The following SPTBN1 variants were observed in gnomAD, a reference collection of about 807,000 sequenced individuals.
SPTBN1 encodes spectrin beta chain, non-erythrocytic 1.
A neutral mutation model predicts 266.4 loss-of-function variants in SPTBN1; 32 were observed. The observed-to-expected ratio is 0.12, with a 90% CI of 0.09 to 0.16. The LOEUF (loss-of-function observed/expected upper bound fraction) is 0.16, where lower values mean the gene tolerates loss of function less well. Among genes scored for constraint, SPTBN1 ranks in the 10% least tolerant of loss-of-function variants. The probability of loss-of-function intolerance (pLI) is 1.00; values close to 1 mark genes in which losing one functional copy is unlikely to be tolerated. For synonymous variants in SPTBN1, 1,336 were observed against 1,162.2 expected, an observed-to-expected ratio of 1.15 and a Z score of -3.04; for missense variants, 2,296 against 3,067.1, an observed-to-expected ratio of 0.75 and a Z score of 5.94.
At chr2:54,507,132 T>C (rs1009273488) in intron 1 of SPTBN1, among the ~76,000 whole-genome samples, 1 of 152,108 alleles carries the variant, frequency 6.6e-6, no homozygotes, top group Non-Finnish European at 1.5e-5. Flanking sequence ...ACAAAGTACA[T>C]TGATCGGTTA....
rs568391436 is a variant in SPTBN1, at chr2:54,558,211, G to A, written c.148+31645G>A. On this transcript the variant is annotated intron_variant, in intron 2 of 35. Transcript: ENST00000356805. The surrounding 1 kb of genome is among the most constrained non-coding windows in gnomAD (Gnocchi z 4.6). The stretch of plus-strand genomic sequence containing the variant: ...GCTGCCGGGCGGCTGGGGCGACCGC[G>A]GACCGTGCGGGACCGGTAGGGGGTC... 83 of 985,364 alleles carry A rather than the reference G, an allele frequency of 8.4e-5. No homozygotes were observed. In the Middle Eastern group the frequency reaches 2.1e-3, roughly 25 times the overall value. 61.0% of individuals were successfully genotyped at this position (985,364 alleles called of 1,614,324 possible). A position where few individuals can be genotyped will look rare whatever the true frequency, so the allele number is the denominator to read the frequency against.
chr2:54,577,400 TCA>T (rs1431266667), intron 2 of SPTBN1, among the ~76,000 whole-genome samples: 4 of 152,300 alleles, frequency 2.6e-5, no homozygotes, highest in African/African-American at 9.6e-5. Flanking sequence ...TGCTTTGAGC[TCA>T]CAAAATCAGT....
chr2:54,648,216 A>G (rs1316337117), intron 24 of SPTBN1, among the ~76,000 whole-genome samples: 1 of 152,178 alleles, frequency 6.6e-6, no homozygotes, highest in Non-Finnish European at 1.5e-5. Flanking sequence ...GTTAGGGGAG[A>G]TGAGGTCAGT....
intron 2 of SPTBN1, among the ~76,000 whole-genome samples, chr2:54,556,263 G>A (rs1181191643): frequency 6.6e-6 from 1 of 152,154 alleles, no homozygotes; most frequent in Admixed American, 6.5e-5. Context: ...TCCCCGTGGG[G>A]TTATTAAACC....
chr2:54,551,935 G>C (rs946571928), intron 2 of SPTBN1, among the ~76,000 whole-genome samples: 1 of 152,044 alleles, frequency 6.6e-6, no homozygotes, highest in African/African-American at 2.4e-5. Context: ...TTGTTTCATA[G>C]TAAGTATTGT....
Position 54,649,281 on chromosome 2 carries a change from GC to G in SPTBN1, c.5202+94del. The G allele has an allele frequency of 7.4e-7, 1 of 1,358,426 alleles. No homozygotes were observed. Among genetic ancestry groups the G allele is most frequent in the Non-Finnish European group, 1.0e-6 (1 of 997,896 alleles). The allele number at this position is 1,358,426 out of a possible 1,614,324, so 84.1% of individuals were successfully genotyped here. A position where few individuals can be genotyped will look rare whatever the true frequency, so the allele number is the denominator to read the frequency against. ...TTCCTTGTCTGTGAGCAGATAAAATGCCCTGGACTCCAATCAGAGGTCTTGG... is the reference window on the plus strand; with the variant it reads ...TTCCTTGTCTGTGAGCAGATAAAATGCCTGGACTCCAATCAGAGGTCTTGG... On this transcript the variant is annotated intron_variant, in intron 25 of 35. Transcript: ENST00000356805. The surrounding 1 kb of genome is among the most constrained non-coding windows in gnomAD (Gnocchi z 6.7).
At chr2:54,465,397 C>T (rs1475838302) in intron 1 of SPTBN1, among the ~76,000 whole-genome samples, 2 of 152,006 alleles carry the variant, frequency 1.3e-5, no homozygotes, top group Non-Finnish European at 2.9e-5. Context: ...ATTAGACCAT[C>T]AGGTTTCAGT....
At chr2:54,538,011 G>A (rs1295773048) in intron 2 of SPTBN1, among the ~76,000 whole-genome samples, 1 of 152,194 alleles carries the variant, frequency 6.6e-6, no homozygotes, top group Admixed American at 6.5e-5. Context: ...CTGGGAAGAT[G>A]ACAGTAAGTA....
intron 28 of SPTBN1, 21 bp from the exon 29 acceptor site, chr2:54,655,893 G>C: frequency 6.3e-7 from 1 of 1,596,470 alleles, no homozygotes; most frequent in Non-Finnish European, 8.6e-7. Flanking sequence ...AGATGTCCCG[G>C]GGATCCTCTT....
intron 2 of SPTBN1, among the ~76,000 whole-genome samples, chr2:54,537,514 T>G (rs953611555): frequency 6.6e-6 from 1 of 152,174 alleles, no homozygotes; most frequent in Non-Finnish European, 1.5e-5. Flanking sequence ...TGACTGGCAG[T>G]TGGAGGATAC....
chr2:54,623,555 T>TACATGCCCCGGGAGGGGAAGCTCA lies in SPTBN1; in HGVS notation c.1142_1165dup (p.Leu388_Ile389insAsnMetProArgGluGlyLysLeu). 6.2e-7 allele frequency: 1 copy of TACATGCCCCGGGAGGGGAAGCTCA among 1,614,180 alleles called. No individual in the cohort carries two copies. Among genetic ancestry groups the TACATGCCCCGGGAGGGGAAGCTCA allele is most frequent in the Non-Finnish European group, 8.5e-7 (1 of 1,180,012 alleles). ...GATGAGGGCCAACAACCAGAAGGTC[T>TACATGCCCCGGGAGGGGAAGCTCA]ACATGCCCCGGGAGGGGAAGCTCAT... On this transcript the variant is annotated inframe_insertion, in exon 10 of 36. Coordinates refer to ENST00000356805, the MANE Select transcript of SPTBN1 (RefSeq NM_003128.3).
At chr2:54,597,459 T>A (rs1676165526) in intron 2 of SPTBN1, among the ~76,000 whole-genome samples, 1 of 152,214 alleles carries the variant, frequency 6.6e-6, no homozygotes, top group Non-Finnish European at 1.5e-5. Flanking sequence ...TCCTTTTTGA[T>A]CCTGTGTTTC....
chr2:54,638,299 C>T (rs1324525616), intron 18 of SPTBN1, among the ~76,000 whole-genome samples: 1 of 152,174 alleles, frequency 6.6e-6, no homozygotes, highest in African/African-American at 2.4e-5. Flanking sequence ...TGCTTTCACT[C>T]TTTAAAGCAA....
At chr2:54,479,412 C>G (rs1667996067) in intron 1 of SPTBN1, among the ~76,000 whole-genome samples, 1 of 152,186 alleles carries the variant, frequency 6.6e-6, no homozygotes, top group Non-Finnish European at 1.5e-5. Context: ...TGGTTAGGTT[C>G]TGTTTCTTGG....
chr2:54,661,919 A>G (rs762572333), intron 32 of SPTBN1: 5 of 985,306 alleles, frequency 5.1e-6, no homozygotes, highest in Admixed American at 6.1e-5. Context: ...GTAGCTTGTC[A>G]TAACAAAATT....
At chr2:54,613,908 A>C (rs1486137008) in intron 4 of SPTBN1, among the ~76,000 whole-genome samples, 1 of 152,236 alleles carries the variant, frequency 6.6e-6, no homozygotes, top group Non-Finnish European at 1.5e-5. Context: ...TGCAATAATC[A>C]GAGCGTGGAA....
At position 54,457,992 on chromosome 2, in the gene SPTBN1, G is replaced by A. The variant is rs536563589; in HGVS notation, c.-48+1474G>A. On this transcript the variant is annotated intron_variant, in intron 1 of 35. Coordinates refer to ENST00000356805, the MANE Select transcript of SPTBN1 (RefSeq NM_003128.3). ...AGGGAGGGGCTGCAGGAAGGACTGG[G>A]CCCAGTGGTGTGCGGAGGCAATGTT... 2.0e-5 allele frequency among the ~76,000 whole-genome samples: 3 copies of A among 152,354 alleles called. No homozygotes were observed. In the East Asian group the frequency reaches 5.8e-4, roughly 29 times the overall value.
At chr2:54,522,635 A>AAAAG (rs773590281) in intron 1 of SPTBN1, among the ~76,000 whole-genome samples, 1 of 82,928 alleles carries the variant, frequency 1.2e-5, no homozygotes, top group Middle Eastern at 4.7e-3. Flanking sequence ...TGTCTCAAAA[A>AAAAG]GAAAGAAAGA....
chr2:54,590,485 C>G (rs1165474311), intron 2 of SPTBN1, among the ~76,000 whole-genome samples: 1 of 152,166 alleles, frequency 6.6e-6, no homozygotes. Flanking sequence ...TAGGATTGAG[C>G]CTTTGCCTCT....
Sources: gnomAD v4.1 joint callset for allele counts (sites outside exome capture counted in the v4.1 genomes callset) on GRCh38, gnomAD v4.1.1 for gene constraint, Gnocchi (gnomAD v3.1) non-coding constraint, MANE v1.5 for transcripts, NCBI Gene and HGNC (gene_info 2026-07-23, HGNC 2026-07-21) for gene names.